SAMD4A: variants seen among roughly 807,000 people sequenced by gnomAD.
SAMD4A encodes the protein protein Smaug homolog 1.
In SAMD4A, 33 loss-of-function variants were observed where a neutral mutation model predicts 81.3. That is an observed-to-expected ratio of 0.41 (90% confidence interval 0.31 to 0.54). The LOEUF is 0.54. Ranked by LOEUF, SAMD4A falls within the 20% of genes least tolerant of loss-of-function variation. The pLI is 0.37. For missense variants in SAMD4A, 854 were observed against 951.1 expected (o/e 0.90, Z 1.34); for synonymous variants, 389 against 382.1 (o/e 1.02, Z -0.21).
At chr14:54,760,013 G>T in intron 6 of SAMD4A, 148 bp from the exon 7 acceptor site, 3 of 721,460 alleles carry the variant, frequency 4.2e-6, no homozygotes, top group African/African-American at 1.8e-5. Context: ...ATGATGAAAC[G>T]AAAGTGGTCC....
intron 3 of SAMD4A, 46 bp downstream of exon 3, chr14:54,702,626 G>T: frequency 1.3e-6 from 2 of 1,593,486 alleles, no homozygotes; most frequent in Non-Finnish European, 1.7e-6. Flanking sequence ...TTGGCGATTT[G>T]CTGTGTATGT....
intron 3 of SAMD4A, among the ~76,000 whole-genome samples, chr14:54,718,274 G>T (rs776141343): frequency 6.6e-6 from 1 of 152,200 alleles, no homozygotes; most frequent in Non-Finnish European, 1.5e-5. Context: ...CACAAGGAAT[G>T]AATGCTTTTT....
At chr14:54,578,482 G>A (rs570090697) in intron 2 of SAMD4A, among the ~76,000 whole-genome samples, 5 of 152,118 alleles carry the variant, frequency 3.3e-5, no homozygotes, top group African/African-American at 4.8e-5. Context: ...AGGCTGAAGC[G>A]GGCGGATCAC....
At chr14:54,656,282 AT>A (rs1419986960) in intron 2 of SAMD4A, among the ~76,000 whole-genome samples, 3 of 152,080 alleles carry the variant, frequency 2.0e-5, no homozygotes, top group Non-Finnish European at 4.4e-5. Flanking sequence ...TAATGATTAC[AT>A]TTAGAGTTGA....
intron 2 of SAMD4A, among the ~76,000 whole-genome samples, chr14:54,622,088 T>C (rs1403440839): frequency 1.3e-5 from 2 of 152,240 alleles, no homozygotes; most frequent in African/African-American, 4.8e-5. Context: ...ACTCAAGAAA[T>C]GAATTTTCTT....
At chr14:54,776,854 TAGTGTGTGTGTGTGTGTG>T (rs1490724994) in intron 11 of SAMD4A, among the ~76,000 whole-genome samples, 3 of 94,128 alleles carry the variant, frequency 3.2e-5, no homozygotes, top group African/African-American at 1.1e-4. Flanking sequence ...GCTCCATGTG[TAGTGTGTGTGTGTGTGTG>T]TGTGTGTGTG....
At chr14:54,618,796 G>C (rs1253546818) in intron 2 of SAMD4A, among the ~76,000 whole-genome samples, 1 of 151,016 alleles carries the variant, frequency 6.6e-6, no homozygotes, top group African/African-American at 2.4e-5. Flanking sequence ...TTATTTTTAA[G>C]CTAGCACTTG....
At chr14:54,574,590 C>A (rs2140120963) in intron 2 of SAMD4A, among the ~76,000 whole-genome samples, 1 of 152,276 alleles carries the variant, frequency 6.6e-6, no homozygotes, top group South Asian at 2.1e-4. Context: ...TCAATCCCAA[C>A]ACTCTATGAT....
At chr14:54,627,246 G>T (rs2034786407) in intron 2 of SAMD4A, among the ~76,000 whole-genome samples, 1 of 152,112 alleles carries the variant, frequency 6.6e-6, no homozygotes, top group African/African-American at 2.4e-5. Flanking sequence ...AAGAGAATCA[G>T]ATTGAGGGGT....
chr14:54,665,863 G>T lies in SAMD4A; in HGVS notation c.197-36199G>T, dbSNP rs1483047969. Among the ~76,000 whole-genome samples, 4 of 152,108 alleles carry T rather than the reference G, an allele frequency of 2.6e-5. No individual in the cohort carries two copies. The East Asian group carries it at 7.7e-4, about 29-fold the overall frequency. On this transcript the variant is annotated intron_variant, in intron 2 of 12. Coordinates refer to ENST00000554335, the MANE Select transcript of SAMD4A (RefSeq NM_015589.6). The stretch of plus-strand genomic sequence containing the variant: ...TGTTTCAGGCTTTTGAAAGAAAGGG[G>T]CTTGTCTCAACCTGAAACCCCATTT...
At position 54,689,141 on chromosome 14, in the gene SAMD4A, A is replaced by G. The variant is rs182495398; in HGVS notation, c.197-12921A>G. 3.4e-4 allele frequency among the ~76,000 whole-genome samples: 52 copies of G among 152,238 alleles called. No individual in the cohort carries two copies. The East Asian group carries it at 9.3e-3, about 27-fold the overall frequency. ...GAGACAGGATTTCACCACGTTGGCC[A>G]GGCTGGTCTCAAACTCCTGACCTAC... On this transcript the variant is annotated intron_variant, in intron 2 of 12. Coordinates refer to ENST00000554335, the MANE Select transcript of SAMD4A (RefSeq NM_015589.6).
intron 3 of SAMD4A, among the ~76,000 whole-genome samples, chr14:54,713,368 TA>T (rs2037039617): frequency 6.6e-6 from 1 of 152,114 alleles, no homozygotes; most frequent in Non-Finnish European, 1.5e-5. Context: ...TTCTATTAGG[TA>T]AAATACATTC....
intron 2 of SAMD4A, among the ~76,000 whole-genome samples, chr14:54,688,931 C>CTTT (rs71127666): frequency 1.7e-5 from 2 of 116,092 alleles, no homozygotes; most frequent in East Asian, 2.2e-4. Context: ...AGTCGTAATT[C>CTTT]TTTTTTTTTT....
chr14:54,677,563 C>T (rs190804819), intron 2 of SAMD4A, among the ~76,000 whole-genome samples: 2 of 152,278 alleles, frequency 1.3e-5, no homozygotes, highest in Non-Finnish European at 2.9e-5. Context: ...TAATGGAAAT[C>T]GTAGTTCCAA....
At chr14:54,779,580 G>A (rs1276497730) in intron 11 of SAMD4A, among the ~76,000 whole-genome samples, 1 of 152,068 alleles carries the variant, frequency 6.6e-6, no homozygotes, top group Admixed American at 6.5e-5. Context: ...CCTTGCTCGG[G>A]TTTACAGGAC....
intron 2 of SAMD4A, among the ~76,000 whole-genome samples, chr14:54,582,565 A>T (rs1366554394): frequency 1.3e-5 from 2 of 152,216 alleles, no homozygotes; most frequent in East Asian, 3.8e-4. Flanking sequence ...AGGTGACGGC[A>T]TGCCCTAGAG....
chr14:54,785,796 C>A (rs941637951), intron 12 of SAMD4A, among the ~76,000 whole-genome samples: 1 of 152,216 alleles, frequency 6.6e-6, no homozygotes, highest in African/African-American at 2.4e-5. Flanking sequence ...GAGTGGTGGG[C>A]CCGGGACCAC....
chr14:54,686,412 C>T (rs917336928), intron 2 of SAMD4A, among the ~76,000 whole-genome samples: 6 of 152,054 alleles, frequency 3.9e-5, no homozygotes, highest in East Asian at 1.9e-4. Context: ...CAGGGGCTTG[C>T]GTCATATAAC....
chr14:54,762,571 C>T (rs1336176172), intron 7 of SAMD4A, among the ~76,000 whole-genome samples: 1 of 152,158 alleles, frequency 6.6e-6, no homozygotes, highest in Non-Finnish European at 1.5e-5. Flanking sequence ...CACAGCTCTG[C>T]CAAGCCCAAG....
Sources: gnomAD v4.1 joint callset for allele counts (sites outside exome capture counted in the v4.1 genomes callset) on GRCh38, gnomAD v4.1.1 for gene constraint, MANE v1.5 for transcripts, NCBI Gene and HGNC (gene_info 2026-07-23, HGNC 2026-07-21) for gene names.